The following SPATS2 variants were observed in gnomAD, a reference collection of about 807,000 sequenced individuals.
The protein encoded by SPATS2 is spermatogenesis associated serine rich 2.
In SPATS2, 38 loss-of-function variants were observed where a neutral mutation model predicts 63.7. The observed-to-expected ratio is 0.60, with a 90% CI of 0.46 to 0.78. SPATS2 has a LOEUF of 0.78. Among genes scored for constraint, SPATS2 ranks in the 30% least tolerant of loss-of-function variants. The probability of loss-of-function intolerance (pLI) is 0.00; values close to 1 mark genes in which losing one functional copy is unlikely to be tolerated. For synonymous variants in SPATS2, 207 were observed against 232.9 expected (o/e 0.89, Z 1.01); for missense variants, 588 against 666.2 (o/e 0.88, Z 1.29).
At chr12:49,382,558 A>G (rs184733358) in intron 2 of SPATS2, among the ~76,000 whole-genome samples, 2 of 152,248 alleles carry the variant, frequency 1.3e-5, no homozygotes, top group African/African-American at 4.8e-5. Flanking sequence ...CTTTACTTTG[A>G]TCCCTAACAC....
chr12:49,408,621 T>A (rs1360572514), intron 2 of SPATS2, among the ~76,000 whole-genome samples: 3 of 117,824 alleles, frequency 2.5e-5, no homozygotes. Flanking sequence ...AGTGGTGCAA[T>A]CTTGGCTCAC....
intron 4 of SPATS2, among the ~76,000 whole-genome samples, chr12:49,487,503 T>C (rs575389344): frequency 3.9e-5 from 6 of 152,104 alleles, no homozygotes; most frequent in African/African-American, 1.4e-4. Flanking sequence ...AAAAAAACGG[T>C]CAGTGGGAAG....
At chr12:49,399,443 G>T (rs995615073) in intron 2 of SPATS2, among the ~76,000 whole-genome samples, 8 of 152,160 alleles carry the variant, frequency 5.3e-5, no homozygotes, top group Non-Finnish European at 7.4e-5. Context: ...TCTATTAGGG[G>T]CCACGCATAA....
chr12:49,507,546 A>G (rs1946673966), intron 9 of SPATS2, among the ~76,000 whole-genome samples: 1 of 152,166 alleles, frequency 6.6e-6, no homozygotes, highest in South Asian at 2.1e-4. Flanking sequence ...CTTTTACTAT[A>G]TTGCCCATAA....
At chr12:49,447,640 GA>G (rs1945538904) in intron 2 of SPATS2, among the ~76,000 whole-genome samples, 1 of 152,178 alleles carries the variant, frequency 6.6e-6, no homozygotes. Context: ...GTGTGTGTGG[GA>G]AGGATTTTAG....
intron 2 of SPATS2, among the ~76,000 whole-genome samples, chr12:49,447,432 TTTCACCATGTGAGCCAGG>T (rs1276313890): frequency 1.3e-5 from 2 of 151,886 alleles, no homozygotes; most frequent in Admixed American, 1.3e-4. Context: ...AGAGATGGGG[TTTCACCATGTGAGCCAGG>T]ATGGTCTCAA....
At chr12:49,512,462 G>A (rs1946768615) in intron 9 of SPATS2, among the ~76,000 whole-genome samples, 1 of 151,878 alleles carries the variant, frequency 6.6e-6, no homozygotes, top group East Asian at 1.9e-4. Context: ...GGGTTATATG[G>A]TTGTCCATGC....
At position 49,435,526 on chromosome 12, in the gene SPATS2, A is replaced by G. The variant is rs576411720; in HGVS notation, c.-243-25244A>G. On this transcript the variant is annotated intron_variant, in intron 2 of 13. Coordinates refer to ENST00000552918, the MANE Select transcript of SPATS2 (RefSeq NM_023071.4). ...TTTTTAGTAGGGACGGGGTTTTGCC[A>G]TGATGGCCAGGCTGGTCTGGAACTC... 1.3e-3 allele frequency among the ~76,000 whole-genome samples: 186 copies of G among 139,616 alleles called. 1 individual carries two copies. The highest frequency in any genetic ancestry group is 4.6e-3 in the African/African-American group (167 of 36,690). 91.6% of individuals were successfully genotyped at this position (139,616 alleles called of 152,430 possible). A position where few individuals can be genotyped will look rare whatever the true frequency, so the allele number is the denominator to read the frequency against.
At chr12:49,395,834 G>A (rs1944500207) in intron 2 of SPATS2, among the ~76,000 whole-genome samples, 1 of 152,210 alleles carries the variant, frequency 6.6e-6, no homozygotes, top group South Asian at 2.1e-4. Flanking sequence ...TAGGGACAGT[G>A]TTTTACAGCA....
At chr12:49,416,071 A>C (rs921585222) in intron 2 of SPATS2, among the ~76,000 whole-genome samples, 13 of 151,854 alleles carry the variant, frequency 8.6e-5, no homozygotes, top group African/African-American at 3.1e-4. Flanking sequence ...CCCTGTACCA[A>C]AATCTGTTTT....
At chr12:49,496,770 A>G (rs1405237218) in intron 7 of SPATS2, 63 bp from the exon 8 acceptor site, 8 of 1,543,998 alleles carry the variant, frequency 5.2e-6, no homozygotes, top group African/African-American at 1.4e-5. Flanking sequence ...TTCTTTGTGT[A>G]CTTAAGAATG....
At chr12:49,460,280 C>G (rs1945799222) in intron 2 of SPATS2, among the ~76,000 whole-genome samples, 1 of 151,906 alleles carries the variant, frequency 6.6e-6, no homozygotes, top group Non-Finnish European at 1.5e-5. Flanking sequence ...ATGGTGAAAC[C>G]CCATCTCTAC....
chr12:49,426,752 C>T (rs1175829694), intron 2 of SPATS2, among the ~76,000 whole-genome samples: 2 of 152,144 alleles, frequency 1.3e-5, no homozygotes, highest in Non-Finnish European at 2.9e-5. Context: ...ACTGTGTTAG[C>T]CAGGATGGTC....
intron 2 of SPATS2, among the ~76,000 whole-genome samples, chr12:49,450,554 T>C (rs1201483011): frequency 1.3e-5 from 2 of 151,774 alleles, no homozygotes; most frequent in African/African-American, 4.8e-5. Context: ...GAGTGGAGTC[T>C]TTTTTTGAGA....
chr12:49,382,622 CCT>C (rs1327868611), intron 2 of SPATS2, among the ~76,000 whole-genome samples: 3 of 152,198 alleles, frequency 2.0e-5, no homozygotes, highest in Non-Finnish European at 2.9e-5. Flanking sequence ...CCAGAAGTAA[CCT>C]CTGTTATAAG....
intron 2 of SPATS2, among the ~76,000 whole-genome samples, chr12:49,418,345 G>A (rs1592377119): frequency 6.6e-6 from 1 of 151,912 alleles, no homozygotes; most frequent in East Asian, 1.9e-4. Context: ...TGTCACCCAG[G>A]CTGGAGTGCA....
chr12:49,481,405 G>T (rs1940296823), intron 3 of SPATS2, among the ~76,000 whole-genome samples: 1 of 151,134 alleles, frequency 6.6e-6, no homozygotes, highest in Non-Finnish European at 1.5e-5. Flanking sequence ...TTCTGAAATG[G>T]TTCCTGATAG....
At chr12:49,438,854 G>C (rs558253359) in intron 2 of SPATS2, among the ~76,000 whole-genome samples, 21 of 152,130 alleles carry the variant, frequency 1.4e-4, no homozygotes, top group Non-Finnish European at 2.5e-4. Flanking sequence ...TATGTGCCCG[G>C]TATAGTTCTA....
At position 49,460,771 on chromosome 12, in the gene SPATS2, A is replaced by G. The variant is rs1324208974; in HGVS notation, c.-242A>G. 1.8e-6 allele frequency: 1 copy of G among 547,548 alleles called. No individual in the cohort carries two copies. Among genetic ancestry groups the G allele is most frequent in the Admixed American group, 3.4e-5 (1 of 29,330 alleles). 33.9% of individuals were successfully genotyped at this position (547,548 alleles called of 1,614,324 possible). A position where few individuals can be genotyped will look rare whatever the true frequency, so the allele number is the denominator to read the frequency against. On this transcript the variant is annotated splice_region_variant and 5_prime_UTR_variant, in exon 3 of 14. Transcript: ENST00000552918. Reference sequence around the variant, plus strand: ...GTGTGTTTGTGTTTTTCCCTCCAGAATCTCCCTGGAAAAGGAGACATGAAT... The same window carrying G: ...GTGTGTTTGTGTTTTTCCCTCCAGAGTCTCCCTGGAAAAGGAGACATGAAT...
Sources: allele counts gnomAD v4.1 joint callset (sites outside exome capture counted in the v4.1 genomes callset), GRCh38; gene constraint gnomAD v4.1.1; transcripts MANE v1.5; gene names NCBI Gene and HGNC (gene_info 2026-07-23, HGNC 2026-07-21).